Variants in SLC44A5 observed in about 807,000 individuals in gnomAD.
SLC44A5 encodes the protein choline transporter-like protein 5.
A neutral mutation model predicts 101.8 loss-of-function variants in SLC44A5; 57 were observed. The ratio of observed to expected loss-of-function variants is 0.56; its 90% CI spans 0.45 to 0.70. The LOEUF (loss-of-function observed/expected upper bound fraction) is 0.70, where lower values mean the gene tolerates loss of function less well. Among genes scored for constraint, SLC44A5 ranks in the 30% least tolerant of loss-of-function variants. The pLI, the probability that SLC44A5 is intolerant of heterozygous loss-of-function variation, is 0.00. For synonymous variants in SLC44A5, 281 were observed against 290.9 expected (o/e 0.97, Z 0.35); for missense variants, 737 against 853.1 (o/e 0.86, Z 1.70).
At chr1:75,458,749 A>C (rs1230409941) in intron 2 of SLC44A5, among the ~76,000 whole-genome samples, 7 of 152,202 alleles carry the variant, frequency 4.6e-5, no homozygotes, top group Non-Finnish European at 2.9e-5. Flanking sequence ...TATATTTATT[A>C]ATATTAGTCT....
the SLC44A5 span, among the ~76,000 whole-genome samples, chr1:75,699,155 C>G: frequency 6.6e-6 from 1 of 151,942 alleles, no homozygotes; most frequent in East Asian, 1.9e-4. Flanking sequence ...ACAGAGAACA[C>G]CACAAAGATA....
At position 75,203,552 on chromosome 1, in the gene SLC44A5, T is replaced by C. The variant is rs1646697299; in HGVS notation, c.*175A>G. 1.9e-6 allele frequency: 1 copy of C among 524,114 alleles called. No homozygotes were observed. The highest frequency in any genetic ancestry group is 3.5e-5 in the East Asian group (1 of 28,316). The allele number at this position is 524,114 out of a possible 1,614,324, so 32.5% of individuals were successfully genotyped here. On this transcript the variant is annotated 3_prime_UTR_variant, in exon 24 of 24. Transcript: ENST00000370859. Reference sequence around the variant, plus strand: ...ATGTTATTAACAATTCCCTTGCGACTTCTGATGGCTTCACATAGTACAGTA... The same window carrying C: ...ATGTTATTAACAATTCCCTTGCGACCTCTGATGGCTTCACATAGTACAGTA...
rs117761166 is a variant in SLC44A5, at chr1:75,349,352, A to C, written c.53-9722T>G. Reference sequence around the variant, plus strand: ...AGACTCCATCTCAAAAACAAACAAAAAAAAAGTAGTTGTTACACTGAGGAT... The same window carrying C: ...AGACTCCATCTCAAAAACAAACAAACAAAAAGTAGTTGTTACACTGAGGAT... On this transcript the variant is annotated intron_variant, in intron 3 of 23. Coordinates refer to ENST00000370859, the MANE Select transcript of SLC44A5 (RefSeq NM_001130058.2). 1.9e-3 allele frequency among the ~76,000 whole-genome samples: 283 copies of C among 152,288 alleles called. 4 individuals are homozygous for C. The East Asian group carries it at 0.024, about 13-fold the overall frequency.
chr1:75,502,554 TTA>T lies in SLC44A5; in HGVS notation c.13+38879_13+38880del, dbSNP rs200557144. On this transcript the variant is annotated intron_variant, in intron 2 of 23. Coordinates refer to ENST00000370859, the MANE Select transcript of SLC44A5 (RefSeq NM_001130058.2). The stretch of plus-strand genomic sequence containing the variant: ...GATCTCTACTTTCTTTTTTATTTGT[TTA>T]TTTTTTTATTATTATACTTTAAGTT... 9.8e-3 allele frequency among the ~76,000 whole-genome samples: 1,453 copies of T among 148,782 alleles called. 28 individuals carry two copies. The highest frequency in any genetic ancestry group is 0.034 in the African/African-American group (1,364 of 40,394).
intron 2 of SLC44A5, among the ~76,000 whole-genome samples, chr1:75,405,681 C>A (rs114407954): frequency 0.091 from 13,855 of 151,812 alleles, 818 homozygotes; most frequent in Admixed American, 0.19. Context: ...AAAATGTACC[C>A]AAATCTGTGG....
chr1:75,437,948 T>C (rs76242766), intron 2 of SLC44A5, among the ~76,000 whole-genome samples: 2,263 of 152,244 alleles, frequency 0.015, 56 homozygotes, highest in African/African-American at 0.052. Context: ...TTTGATCTAT[T>C]GTTAGTACTG....
At chr1:75,652,248 A>G in the SLC44A5 span, among the ~76,000 whole-genome samples, 14 of 152,204 alleles carry the variant, frequency 9.2e-5, no homozygotes, top group African/African-American at 2.7e-4. Flanking sequence ...TCCTGGATGT[A>G]CACCAACATA....
chr1:75,472,289 C>A (rs2101734539), intron 2 of SLC44A5, among the ~76,000 whole-genome samples: 1 of 152,140 alleles, frequency 6.6e-6, no homozygotes, highest in East Asian at 1.9e-4. Context: ...TCATGAGTAT[C>A]AACTTAATTC....
At chr1:75,326,486 A>G (rs996862788) in intron 4 of SLC44A5, among the ~76,000 whole-genome samples, 5 of 152,058 alleles carry the variant, frequency 3.3e-5, no homozygotes, top group African/African-American at 1.2e-4. Context: ...TTAACCCCCC[A>G]ATTGTATTGC....
intron 2 of SLC44A5, among the ~76,000 whole-genome samples, chr1:75,484,994 T>C (rs915689389): frequency 3.9e-5 from 6 of 152,308 alleles, no homozygotes; most frequent in Non-Finnish European, 7.3e-5. Context: ...CAAAACCACT[T>C]TTTCCTCCCA....
chr1:75,305,876 C>T (rs113095126), intron 4 of SLC44A5, among the ~76,000 whole-genome samples: 185 of 152,322 alleles, frequency 1.2e-3, no homozygotes, highest in African/African-American at 3.7e-3. Flanking sequence ...CTCTAATCCC[C>T]GTAGACCTAG....
chr1:75,620,589 A>T, the SLC44A5 span, among the ~76,000 whole-genome samples: 1 of 152,326 alleles, frequency 6.6e-6, no homozygotes, highest in African/African-American at 2.4e-5. Context: ...AGTGATGATG[A>T]GCATTTTTTC....
intron 22 of SLC44A5, among the ~76,000 whole-genome samples, chr1:75,211,860 C>T (rs1646863490): frequency 6.9e-6 from 1 of 145,892 alleles, no homozygotes; most frequent in Admixed American, 7.1e-5. Context: ...TTCCCTCCCT[C>T]CCTCCTTCCC....
At chr1:75,252,829 G>A (rs113267599) in intron 6 of SLC44A5, among the ~76,000 whole-genome samples, 181 of 152,230 alleles carry the variant, frequency 1.2e-3, no homozygotes, top group African/African-American at 4.2e-3. Context: ...GTCAATAAAC[G>A]GACTTGAGCC....
intron 6 of SLC44A5, among the ~76,000 whole-genome samples, chr1:75,259,273 G>A (rs1231729245): frequency 6.6e-6 from 1 of 152,168 alleles, no homozygotes; most frequent in African/African-American, 2.4e-5. Context: ...AGGAAGCTAA[G>A]AACCTTGAGA....
intron 1 of SLC44A5, among the ~76,000 whole-genome samples, chr1:75,597,060 T>C (rs1290830044): frequency 6.6e-6 from 1 of 151,932 alleles, no homozygotes; most frequent in Non-Finnish European, 1.5e-5. Context: ...TGGTGGCGCT[T>C]GCCTGTAGTC....
chr1:75,405,764 A>G (rs1172815736), intron 2 of SLC44A5, among the ~76,000 whole-genome samples: 1 of 152,140 alleles, frequency 6.6e-6, no homozygotes, highest in African/African-American at 2.4e-5. Flanking sequence ...GGAAAGATCT[A>G]AAATCAGCAC....
intron 5 of SLC44A5, among the ~76,000 whole-genome samples, chr1:75,292,064 T>A (rs1318892163): frequency 6.6e-6 from 1 of 151,542 alleles, no homozygotes; most frequent in Non-Finnish European, 1.5e-5. Context: ...ATTTCAGATA[T>A]GGATGGAGAG....
chr1:75,476,708 C>T (rs185781186), intron 2 of SLC44A5, among the ~76,000 whole-genome samples: 135 of 152,348 alleles, frequency 8.9e-4, no homozygotes, highest in African/African-American at 3.0e-3. Context: ...GAGGGGCGCC[C>T]GCCATTACCC....
Sources: allele counts gnomAD v4.1 joint callset (sites outside exome capture counted in the v4.1 genomes callset), GRCh38; gene constraint gnomAD v4.1.1; transcripts MANE v1.5; gene names NCBI Gene and HGNC (gene_info 2026-07-23, HGNC 2026-07-21).